Variants in DNAH10 observed in about 807,000 individuals in gnomAD.
DNAH10 encodes the protein dynein axonemal heavy chain 10, also known as axonemal beta dynein heavy chain 10.
DNAH10 carries 348 observed loss-of-function variants against 506.6 expected under a neutral mutation model. The ratio of observed to expected loss-of-function variants is 0.69; its 90% CI spans 0.63 to 0.75. DNAH10 has a LOEUF of 0.75. Ranked by LOEUF, DNAH10 falls within the 30% of genes least tolerant of loss-of-function variation. DNAH10 has a pLI of 0.00. For missense variants in DNAH10, 5,179 were observed against 5,787.1 expected, an observed-to-expected ratio of 0.89 and a Z score of 3.41; for synonymous variants, 2,059 against 2,198.6, an observed-to-expected ratio of 0.94 and a Z score of 1.78.
rs192030872 is a variant in DNAH10, at chr12:123,934,790, C to T, written c.13623+24C>T. On this transcript the variant is annotated intron_variant, in intron 78 of 78. Transcript: ENST00000673944. ...AGGTGAAGGTCCCAGCCCCTCCTCTCTGACACCAGGGCCCTTCCTCTTCTG... is the reference window on the plus strand; with the variant it reads ...AGGTGAAGGTCCCAGCCCCTCCTCTTTGACACCAGGGCCCTTCCTCTTCTG... 557 of 1,612,598 alleles carry T rather than the reference C, an allele frequency of 3.5e-4. 3 individuals are homozygous for T. The African/African-American group carries it at 6.3e-3, about 18-fold the overall frequency.
chr12:123,800,932 G>T (rs1021904899), intron 15 of DNAH10, among the ~76,000 whole-genome samples: 3 of 151,980 alleles, frequency 2.0e-5, no homozygotes, highest in Admixed American at 1.3e-4. Flanking sequence ...CAGGAGAATT[G>T]CCTGAACCTG....
At chr12:123,769,366 G>A (rs1045013729) in intron 2 of DNAH10, among the ~76,000 whole-genome samples, 5 of 151,508 alleles carry the variant, frequency 3.3e-5, no homozygotes, top group South Asian at 2.1e-4. Flanking sequence ...TAGTAGAGAC[G>A]GGGTTTCACC....
chr12:123,915,477 T>G (rs1221616563), intron 62 of DNAH10, among the ~76,000 whole-genome samples: 1 of 152,204 alleles, frequency 6.6e-6, no homozygotes, highest in Non-Finnish European at 1.5e-5. Flanking sequence ...ACATTTTTAT[T>G]ATCCCTGGAA....
At position 123,916,569 on chromosome 12, in the gene DNAH10, A is replaced by C. The variant is rs758970094; in HGVS notation, c.10835A>C (p.Asn3612Thr). ...VDEYIDPVID[N>T]VLEKNIKVSQ... ...GAATACATCGATCCTGTGATTGACA[A>C]CGTCTTAGAAAAAAATATAAAAGTC... The change falls in exon 63 of 79, where the codon AAC becomes ACC. Residue 3612 changes from asparagine (N) to threonine (T), a missense_variant. Coordinates refer to ENST00000673944, the MANE Select transcript of DNAH10 (RefSeq NM_001372106.1). The surrounding 1 kb of genome is among the most constrained non-coding windows in gnomAD (Gnocchi z 4.6). 6.2e-7 allele frequency: 1 copy of C among 1,613,906 alleles called. No individual in the cohort carries two copies. Among genetic ancestry groups the C allele is most frequent in the South Asian group, 1.1e-5 (1 of 91,060 alleles).
rs1565984434 is a variant in DNAH10, at chr12:123,846,271, A to G, written c.5814+117A>G. ...TAGCAGGGGAGATCATTGCTTTGAA[A>G]TCTCGAAAAGCTTTTCCATTTGGGA... On this transcript the variant is annotated intron_variant, in intron 32 of 78. Coordinates refer to ENST00000673944, the MANE Select transcript of DNAH10 (RefSeq NM_001372106.1). This position sits in a 1 kb window ranked among gnomAD's most constrained non-coding sequence, Gnocchi z 4.5. 1 of 1,303,194 alleles carries G rather than the reference A, an allele frequency of 7.7e-7. No individual in the cohort carries two copies. The highest frequency in any genetic ancestry group is 1.0e-6 in the Non-Finnish European group (1 of 976,448). The allele number at this position is 1,303,194 out of a possible 1,614,324, so 80.7% of individuals were successfully genotyped here. A position where few individuals can be genotyped will look rare whatever the true frequency, so the allele number is the denominator to read the frequency against.
In DNAH10 at chr12:123,853,485, G is replaced by A. The variant is rs773999063; in HGVS notation, c.6438+133G>A. 1.6e-6 allele frequency: 2 copies of A among 1,226,218 alleles called. No individual in the cohort carries two copies. Among genetic ancestry groups the A allele is most frequent in the Non-Finnish European group, 2.2e-6 (2 of 921,504 alleles). The allele number at this position is 1,226,218 out of a possible 1,614,324, so 76.0% of individuals were successfully genotyped here. ...GTCTTAGCTGCCTCTTCACCCCGCG[G>A]TCTGGCCTTACTTTGGCCTCTTACC... On this transcript the variant is annotated intron_variant, in intron 36 of 78. Transcript: ENST00000673944. The surrounding 1 kb of genome is among the most constrained non-coding windows in gnomAD (Gnocchi z 4.7).
At position 123,856,355 on chromosome 12, in the gene DNAH10, T is replaced by G. The variant is rs573783391; in HGVS notation, c.6439-701T>G. On this transcript the variant is annotated intron_variant, in intron 36 of 78. Transcript: ENST00000673944. ...ATCTATCTATCTATCTATCTTTTTT[T>G]CGAGACAGAGTTTCACTCTTGTCAC... is the stretch of plus-strand genomic sequence containing the variant. Among the ~76,000 whole-genome samples the G allele has an allele frequency of 3.0e-3, 459 of 150,780 alleles. 3 individuals are homozygous for G. The highest frequency in any genetic ancestry group is 0.011 in the African/African-American group (445 of 41,246).
intron 65 of DNAH10, among the ~76,000 whole-genome samples, chr12:123,922,095 C>T (rs1954755243): frequency 6.6e-6 from 1 of 152,000 alleles, no homozygotes; most frequent in East Asian, 1.9e-4. Flanking sequence ...AACCATTAGG[C>T]CAGGCGCGGT....
At chr12:123,905,406 C>T (rs1355015622) in intron 57 of DNAH10, among the ~76,000 whole-genome samples, 1 of 152,164 alleles carries the variant, frequency 6.6e-6, no homozygotes, top group African/African-American at 2.4e-5. Context: ...ATTGCTGGGT[C>T]CCAGGGTGTA....
chr12:123,877,422 C>G (rs2137026376), intron 47 of DNAH10, among the ~76,000 whole-genome samples: 1 of 152,284 alleles, frequency 6.6e-6, no homozygotes, highest in Non-Finnish European at 1.5e-5. Context: ...GGCGATTCTC[C>G]TGCCTCAGCC....
rs759392468 is a variant in DNAH10, at chr12:123,801,457, C to A, written c.2614+25C>A. 9 of 1,601,424 alleles carry A rather than the reference C, an allele frequency of 5.6e-6. No individual in the cohort carries two copies. The African/African-American group carries it at 8.1e-5, about 14-fold the overall frequency. Reference sequence around the variant, plus strand: ...GGTAACGTCATTCATCTATTGATTGCCTTTTAGACTTGGGATGCAAAGTAA... The same window carrying A: ...GGTAACGTCATTCATCTATTGATTGACTTTTAGACTTGGGATGCAAAGTAA... On this transcript the variant is annotated intron_variant, in intron 16 of 78. Transcript: ENST00000673944.
chr12:123,813,842 CTCT>C lies in DNAH10; in HGVS notation c.3711_3713del (p.Leu1238del). On this transcript the variant is annotated inframe_deletion, in exon 21 of 79. Transcript: ENST00000673944. Reference sequence around the variant, plus strand: ...ACAATTGCAGAAATTAGAAGTAAATCTCTAGTCATGGAACTCAGATATAGGGAC... The same window carrying C: ...ACAATTGCAGAAATTAGAAGTAAATCAGTCATGGAACTCAGATATAGGGAC... 3 of 1,613,492 alleles carry C rather than the reference CTCT, an allele frequency of 1.9e-6. No homozygotes were observed. Among genetic ancestry groups the C allele is most frequent in the Non-Finnish European group, 2.5e-6 (3 of 1,179,778 alleles).
At chr12:123,772,378 C>T (rs770128777) in intron 3 of DNAH10, among the ~76,000 whole-genome samples, 3 of 152,168 alleles carry the variant, frequency 2.0e-5, no homozygotes, top group South Asian at 2.1e-4. Flanking sequence ...CCCTAAGAGC[C>T]GAAGGCCGGT....
chr12:123,864,228 C>T (rs1951716892), intron 39 of DNAH10, among the ~76,000 whole-genome samples: 1 of 149,118 alleles, frequency 6.7e-6, no homozygotes, highest in Non-Finnish European at 1.5e-5. Context: ...TCACTGCAAC[C>T]TGTGCCTCCT....
In DNAH10 at chr12:123,916,884, A is replaced by G. The variant is rs558233908; in HGVS notation, c.11002+148A>G. ...CATCTGGACTAGTCAGCTCTTACCA[A>G]TTAGGTACCACTTAGAAGGTGTGAG... On this transcript the variant is annotated intron_variant, in intron 63 of 78. Transcript: ENST00000673944. The surrounding 1 kb of genome is among the most constrained non-coding windows in gnomAD (Gnocchi z 4.6). 7.9e-6 allele frequency: 8 copies of G among 1,012,936 alleles called. No homozygotes were observed. The highest frequency in any genetic ancestry group is 6.5e-5 in the African/African-American group (4 of 61,476). 62.7% of individuals were successfully genotyped at this position (1,012,936 alleles called of 1,614,324 possible).
intron 2 of DNAH10, among the ~76,000 whole-genome samples, chr12:123,770,766 C>G (rs976732136): frequency 2.0e-5 from 3 of 152,074 alleles, no homozygotes; most frequent in Non-Finnish European, 4.4e-5. Flanking sequence ...GGAAAGCTCC[C>G]AGGGAAAGCT....
At chr12:123,799,932 C>A (rs1594057037) in intron 14 of DNAH10, among the ~76,000 whole-genome samples, 1 of 152,230 alleles carries the variant, frequency 6.6e-6, no homozygotes, top group South Asian at 2.1e-4. Context: ...TCAGATCCGA[C>A]CAAAGAGGCA....
chr12:123,820,534 A>G (rs539743632), intron 23 of DNAH10, 46 bp from the exon 24 acceptor site: 4 of 1,558,236 alleles, frequency 2.6e-6, no homozygotes, highest in African/African-American at 2.7e-5. Context: ...AATTTTGTAC[A>G]CCTTAAAATT....
At chr12:123,929,027 T>TTA in intron 70 of DNAH10, 1 of 564,836 alleles carries the variant, frequency 1.8e-6, no homozygotes, top group Non-Finnish European at 3.1e-6. Context: ...TACTTTCATT[T>TTA]TATATATAGT....
Sources: gnomAD v4.1 joint callset for allele counts (sites outside exome capture counted in the v4.1 genomes callset) on GRCh38, gnomAD v4.1.1 for gene constraint, Gnocchi (gnomAD v3.1) non-coding constraint, MANE v1.5 for transcripts, NCBI Gene and HGNC (gene_info 2026-07-23, HGNC 2026-07-21) for gene names.